GPAM: variants seen among roughly 807,000 people sequenced by gnomAD.
GPAM encodes glycerol-3-phosphate acyltransferase, mitochondrial.
Under a neutral mutation model 105.0 loss-of-function variants are expected in GPAM, and 56 were observed. The ratio of observed to expected loss-of-function variants is 0.53; its 90% CI spans 0.43 to 0.67. GPAM has a LOEUF of 0.67. Among genes scored for constraint, GPAM ranks in the 30% least tolerant of loss-of-function variants. GPAM has a pLI of 0.00. For missense variants in GPAM, 855 were observed against 989.8 expected (o/e 0.86, Z 1.83); for synonymous variants, 368 against 354.4 (o/e 1.04, Z -0.43).
intron 1 of GPAM, among the ~76,000 whole-genome samples, chr10:112,206,814 T>C (rs1050541919): frequency 7.3e-6 from 1 of 136,238 alleles, no homozygotes; most frequent in African/African-American, 2.9e-5. Flanking sequence ...AAACTTAAAG[T>C]ATAATAAAAA....
chr10:112,162,180 G>C (rs1277993918), intron 14 of GPAM, among the ~76,000 whole-genome samples: 1 of 152,164 alleles, frequency 6.6e-6, no homozygotes, highest in Non-Finnish European at 1.5e-5. Context: ...AGGTGTAGTA[G>C]AAGGATAACA....
chr10:112,203,044 G>A (rs924040308), intron 1 of GPAM, among the ~76,000 whole-genome samples: 7 of 152,302 alleles, frequency 4.6e-5, no homozygotes, highest in African/African-American at 1.7e-4. Flanking sequence ...TTGACGGTGT[G>A]TAAGCAATGG....
intron 9 of GPAM, among the ~76,000 whole-genome samples, chr10:112,170,902 G>T (rs969527368): frequency 3.3e-5 from 5 of 152,138 alleles, no homozygotes; most frequent in African/African-American, 1.2e-4. Context: ...CAAGAGTCTG[G>T]TTAGCTACAG....
At position 112,168,854 on chromosome 10, in the gene GPAM, C is replaced by A. The variant is rs552284961; in HGVS notation, c.893G>T (p.Gly298Val). The stretch of plus-strand genomic sequence containing the variant: ...AGGATAATTAGAGATCACACATACC[C>A]CATGGAGCAAAGCTCTATAGAGAAC... ...KDVLYRALLH[G>V]HIVELLRQQQ... The change falls in exon 10 of 22, where the codon GGG (glycine) becomes GTG (valine). Residue 298 changes from glycine to valine, a missense_variant and splice_region_variant. By Grantham distance (109) the Gly-to-Val change is moderately radical (BLOSUM62 -3). Transcript: ENST00000348367. 1.3e-6 allele frequency: 2 copies of A among 1,565,130 alleles called. No individual in the cohort carries two copies. The highest frequency in any genetic ancestry group is 1.7e-5 in the Admixed American group (1 of 59,962).
intron 13 of GPAM, among the ~76,000 whole-genome samples, chr10:112,164,278 A>G (rs1442831746): frequency 2.0e-5 from 3 of 152,220 alleles, no homozygotes; most frequent in African/African-American, 4.8e-5. Flanking sequence ...CAAGCATTCA[A>G]AAAGCATAAA....
At chr10:112,177,268 G>C (rs954314956) in intron 5 of GPAM, among the ~76,000 whole-genome samples, 3 of 152,140 alleles carry the variant, frequency 2.0e-5, no homozygotes, top group African/African-American at 7.2e-5. Context: ...TCAAGTAGTT[G>C]ATTTCTTGCA....
chr10:112,180,590 C>T lies in GPAM; in HGVS notation c.108G>A (p.Glu36=), dbSNP rs375928859. The change falls in exon 4 of 22, where the codon GAG becomes GAA. Residue 36 remains glutamate (E), a synonymous_variant. Transcript: ENST00000348367. ...RCKHTSEEWG[E]CGFRPTIFRS... Reference sequence around the variant, plus strand: ...TGAAGATGGTGGGTCTAAAGCCACACTCACCCTGACAAATATTAAGAAAAA... The same window carrying T: ...TGAAGATGGTGGGTCTAAAGCCACATTCACCCTGACAAATATTAAGAAAAA... The T allele has an allele frequency of 1.6e-5, 26 of 1,608,352 alleles. No individual in the cohort carries two copies. The highest frequency in any genetic ancestry group is 1.6e-4 in the Middle Eastern group (1 of 6,074).
intron 3 of GPAM, among the ~76,000 whole-genome samples, chr10:112,181,443 T>C (rs529783042): frequency 6.6e-6 from 1 of 152,296 alleles, no homozygotes; most frequent in Admixed American, 6.5e-5. Flanking sequence ...CTAGGGTTTT[T>C]TTCCTATGCA....
intron 10 of GPAM, 97 bp from the exon 11 acceptor site, chr10:112,168,621 GA>G: frequency 3.5e-6 from 3 of 853,452 alleles, no homozygotes; most frequent in Non-Finnish European, 5.9e-6. Context: ...CAGAAAAAAC[GA>G]TAACTTCACT....
At chr10:112,154,579 A>T in intron 21 of GPAM, 50 bp downstream of exon 21, 2 of 1,294,298 alleles carry the variant, frequency 1.5e-6, no homozygotes, top group Non-Finnish European at 2.3e-6. Flanking sequence ...CTAGATCTAA[A>T]GAGAACAGAA....
chr10:112,157,484 C>T, intron 18 of GPAM, 95 bp from the exon 19 acceptor site: 1 of 1,114,994 alleles, frequency 9.0e-7, no homozygotes, highest in Admixed American at 1.9e-5. Flanking sequence ...CTTCTCTGAC[C>T]CTTCCTGGCT....
chr10:112,157,079 G>T lies in GPAM; in HGVS notation c.2121+170C>A, dbSNP rs139136937. On this transcript the variant is annotated intron_variant, in intron 19 of 21. Transcript: ENST00000348367. ...TCTCCTTTCCTTTTCTACTTAAAAT[G>T]CTATTAATTCAACTCAAACAGTTTG... The T allele has an allele frequency of 2.7e-3, 1,853 of 688,770 alleles. 34 individuals are homozygous for T. In the African/African-American group the frequency reaches 0.028, roughly 11 times the overall value. The allele number at this position is 688,770 out of a possible 1,614,324, so 42.7% of individuals were successfully genotyped here. A position where few individuals can be genotyped will look rare whatever the true frequency, so the allele number is the denominator to read the frequency against.
upstream of GPAM, among the ~76,000 whole-genome samples, chr10:112,218,093 G>A (rs532160111): frequency 6.6e-6 from 1 of 152,366 alleles, no homozygotes; most frequent in Non-Finnish European, 1.5e-5. Flanking sequence ...TTCAAAGGAA[G>A]ATAGAAATCT....
the GPAM span, among the ~76,000 whole-genome samples, chr10:112,226,821 G>C: frequency 6.6e-6 from 1 of 152,176 alleles, no homozygotes; most frequent in Non-Finnish European, 1.5e-5. Flanking sequence ...ACACATTCCA[G>C]AGGCCACGAG....
upstream of GPAM, among the ~76,000 whole-genome samples, chr10:112,215,847 A>C (rs1301944581): frequency 6.6e-6 from 1 of 152,104 alleles, no homozygotes; most frequent in Admixed American, 6.5e-5. Context: ...GATGTTGGAG[A>C]TGCTTTATGT....
At chr10:112,169,120 G>T (rs1847270302) in intron 9 of GPAM, among the ~76,000 whole-genome samples, 168 bp from the exon 10 acceptor site, 1 of 152,046 alleles carries the variant, frequency 6.6e-6, no homozygotes, top group Non-Finnish European at 1.5e-5. Flanking sequence ...TTATCGACAT[G>T]TTTCAGTCAT....
intron 21 of GPAM, chr10:112,154,209 C>G (rs941174662): frequency 9.4e-6 from 2 of 212,676 alleles, no homozygotes; most frequent in African/African-American, 4.7e-5. Context: ...AAAAGACATG[C>G]TCATCAGAGC....
rs561051814 is a variant in GPAM, at chr10:112,201,106, G to A, written n.210+14062C>T. Among the ~76,000 whole-genome samples the A allele has an allele frequency of 3.3e-5, 5 of 152,276 alleles. No homozygotes were observed. The South Asian group carries it at 1.0e-3, about 32-fold the overall frequency. ...AGAAGCAGTAAAAGCTTCTGAAAAGGAATTATTTTAAAGAGGTAGTGACAT... is the reference window on the plus strand; with the variant it reads ...AGAAGCAGTAAAAGCTTCTGAAAAGAAATTATTTTAAAGAGGTAGTGACAT... On this transcript the variant is annotated intron_variant and non_coding_transcript_variant, in intron 1 of 3. Transcript: ENST00000480130.
In GPAM at chr10:112,150,554, TA is replaced by T; in HGVS notation, c.*2995del. ...TCTGTTCATTACCGTTTTGTCTCCT[TA>T]AAGAACTATCTAACATAGTGTTTCC... On this transcript the variant is annotated 3_prime_UTR_variant, in exon 22 of 22. Coordinates refer to ENST00000348367, the MANE Select transcript of GPAM (RefSeq NM_001244949.2). 1 of 984,984 alleles carries T rather than the reference TA, an allele frequency of 1.0e-6. No individual in the cohort carries two copies. Among genetic ancestry groups the T allele is most frequent in the Non-Finnish European group, 1.2e-6 (1 of 829,160 alleles). 61.0% of individuals were successfully genotyped at this position (984,984 alleles called of 1,614,324 possible). A position where few individuals can be genotyped will look rare whatever the true frequency, so the allele number is the denominator to read the frequency against.
Sources: allele counts gnomAD v4.1 joint callset (sites outside exome capture counted in the v4.1 genomes callset), GRCh38; gene constraint gnomAD v4.1.1; transcripts MANE v1.5; gene names NCBI Gene and HGNC (gene_info 2026-07-23, HGNC 2026-07-21).